Variants in GRIK2 observed in about 807,000 individuals in gnomAD.
GRIK2 encodes the protein glutamate receptor ionotropic, kainate 2.
GRIK2 carries 32 observed loss-of-function variants against 100.3 expected under a neutral mutation model. The ratio of observed to expected loss-of-function variants is 0.32; its 90% confidence interval spans 0.24 to 0.43. The LOEUF (loss-of-function observed/expected upper bound fraction) is 0.43, where lower values mean the gene tolerates loss of function less well. Ranked by LOEUF, GRIK2 falls within the 20% of genes least tolerant of loss-of-function variation. The pLI is 1.00. For missense variants in GRIK2, 843 were observed against 1,114.9 expected, an observed-to-expected ratio of 0.76 and a Z score of 3.47; for synonymous variants, 417 against 389.4, an observed-to-expected ratio of 1.07 and a Z score of -0.83.
chr6:101,487,021 A>G (rs1331112137), intron 2 of GRIK2, among the ~76,000 whole-genome samples: 5 of 146,412 alleles, frequency 3.4e-5, no homozygotes, highest in Non-Finnish European at 7.5e-5. Context: ...AGTTTCATAC[A>G]TTGGGGAGAA....
intron 15 of GRIK2, among the ~76,000 whole-genome samples, chr6:102,047,987 CA>C (rs769497757): frequency 2.0e-5 from 3 of 151,484 alleles, no homozygotes; most frequent in Non-Finnish European, 4.4e-5. Context: ...ATCAAAATAG[CA>C]TGGTACTGCC....
chr6:101,478,398 A>C, intron 2 of GRIK2, among the ~76,000 whole-genome samples: 1 of 152,034 alleles, frequency 6.6e-6, no homozygotes, highest in East Asian at 1.9e-4. Flanking sequence ...CAACTAGATT[A>C]AGAAATTAAA....
intron 9 of GRIK2, among the ~76,000 whole-genome samples, chr6:101,807,345 C>G (rs1165140101): frequency 6.6e-6 from 1 of 151,970 alleles, no homozygotes; most frequent in Non-Finnish European, 1.5e-5. Flanking sequence ...CAATTAAAAA[C>G]TCTCTGACCT....
chr6:101,814,859 T>C (rs1404200356), intron 9 of GRIK2, among the ~76,000 whole-genome samples: 1 of 152,164 alleles, frequency 6.6e-6, no homozygotes, highest in Non-Finnish European at 1.5e-5. Flanking sequence ...GAGAAAATGC[T>C]CACAATAGTG....
rs1772172841 is a variant in GRIK2 at position 102,069,627 on chromosome 6, A to G, written c.*1116A>G. The G allele has an allele frequency of 6.6e-6, 1 of 151,932 alleles. No individual in the cohort carries two copies. Among genetic ancestry groups the G allele is most frequent in the Admixed American group, 6.6e-5 (1 of 15,186 alleles). The allele number at this position is 151,932 out of a possible 1,614,324, so 9.4% of individuals were successfully genotyped here. On this transcript the variant is annotated 3_prime_UTR_variant, in exon 17 of 17. Transcript: ENST00000369134. ...AATGTTAAATGAACAAAATTCTTGAACAGTTTTTTTTCAAAAAATGTTCAG... is the reference window on the plus strand; with the variant it reads ...AATGTTAAATGAACAAAATTCTTGAGCAGTTTTTTTTCAAAAAATGTTCAG...
chr6:101,594,698 T>C (rs1373312740), intron 2 of GRIK2, among the ~76,000 whole-genome samples: 1 of 151,562 alleles, frequency 6.6e-6, no homozygotes, highest in Non-Finnish European at 1.5e-5. Context: ...TAAAATTCAG[T>C]GGAGTAGCAA....
chr6:101,948,740 G>A (rs771587569), intron 14 of GRIK2, among the ~76,000 whole-genome samples: 7 of 151,840 alleles, frequency 4.6e-5, no homozygotes, highest in East Asian at 3.9e-4. Context: ...CTCCCAAAGC[G>A]TTGGGATTAC....
At chr6:101,681,331 CCT>C (rs1365101645) in intron 5 of GRIK2, among the ~76,000 whole-genome samples, 1 of 151,660 alleles carries the variant, frequency 6.6e-6, no homozygotes, top group Non-Finnish European at 1.5e-5. Flanking sequence ...CTCACGTGAC[CCT>C]CTCAACCTCA....
intron 2 of GRIK2, among the ~76,000 whole-genome samples, chr6:101,593,525 T>C (rs1233881392): frequency 2.0e-5 from 3 of 151,938 alleles, no homozygotes; most frequent in African/African-American, 4.8e-5. Context: ...AAAGCCCAGC[T>C]GCTTAATGCT....
chr6:101,501,699 T>C (rs1773751639), intron 2 of GRIK2, among the ~76,000 whole-genome samples: 1 of 152,182 alleles, frequency 6.6e-6, no homozygotes, highest in Admixed American at 6.5e-5. Context: ...ATTTGAAACC[T>C]GGCTCTAATG....
chr6:101,449,054 T>C (rs544699476), intron 2 of GRIK2, among the ~76,000 whole-genome samples: 2 of 151,684 alleles, frequency 1.3e-5, no homozygotes, highest in South Asian at 4.1e-4. Flanking sequence ...TATGAGTTTA[T>C]GAGGAAAATC....
At chr6:101,560,377 A>T (rs1037074163) in intron 2 of GRIK2, among the ~76,000 whole-genome samples, 2 of 152,206 alleles carry the variant, frequency 1.3e-5, no homozygotes, top group Admixed American at 6.5e-5. Context: ...AATATATTTT[A>T]GGTTTTTAGG....
intron 14 of GRIK2, among the ~76,000 whole-genome samples, chr6:101,997,621 T>C (rs1237048199): frequency 6.6e-6 from 1 of 152,094 alleles, no homozygotes; most frequent in Non-Finnish European, 1.5e-5. Context: ...ACAGTGTTAA[T>C]TCATTCCTAA....
chr6:101,496,744 C>T (rs771211553), intron 2 of GRIK2, among the ~76,000 whole-genome samples: 1 of 152,056 alleles, frequency 6.6e-6, no homozygotes, highest in Admixed American at 6.6e-5. Flanking sequence ...AACTAGAGTT[C>T]GCTTTCAAAT....
At chr6:101,678,661 A>T (rs1470970014) in intron 5 of GRIK2, among the ~76,000 whole-genome samples, 1 of 152,092 alleles carries the variant, frequency 6.6e-6, no homozygotes, top group African/African-American at 2.4e-5. Context: ...GATTTGTGAA[A>T]TTTTTCTGAG....
intron 7 of GRIK2, among the ~76,000 whole-genome samples, chr6:101,798,481 A>C (rs892037933): frequency 6.6e-6 from 1 of 152,042 alleles, no homozygotes; most frequent in East Asian, 1.9e-4. Context: ...TGAACTATAA[A>C]ATAATATTAT....
chr6:101,922,950 TA>T (rs1789652674), intron 12 of GRIK2, among the ~76,000 whole-genome samples: 1 of 152,132 alleles, frequency 6.6e-6, no homozygotes, highest in African/African-American at 2.4e-5. Flanking sequence ...TAAATGAAAA[TA>T]AAATGTCTAA....
chr6:101,778,532 C>T (rs1778886582), intron 7 of GRIK2, among the ~76,000 whole-genome samples: 1 of 152,136 alleles, frequency 6.6e-6, no homozygotes, highest in African/African-American at 2.4e-5. Context: ...CTTGGTACAA[C>T]AGACAGAATA....
chr6:101,761,392 G>GCAAATAATATA (rs1487012998), intron 7 of GRIK2, among the ~76,000 whole-genome samples: 2 of 151,908 alleles, frequency 1.3e-5, no homozygotes, highest in Non-Finnish European at 2.9e-5. Context: ...GTTAATACAG[G>GCAAATAATATA]TTCCCCTAAA....
Sources: allele counts gnomAD v4.1 joint callset (sites outside exome capture counted in the v4.1 genomes callset), GRCh38; gene constraint gnomAD v4.1.1; transcripts MANE v1.5; gene names NCBI Gene and HGNC (gene_info 2026-07-23, HGNC 2026-07-21).